The following ZBBX variants were observed in gnomAD, a reference collection of about 807,000 sequenced individuals.
The protein encoded by ZBBX is zinc finger B-box domain containing.
ZBBX carries 101 observed loss-of-function variants against 108.5 expected under a neutral mutation model. The observed-to-expected ratio is 0.93, with a 90% CI of 0.79 to 1.10. The LOEUF is 1.10. Ranked by LOEUF, ZBBX falls within the 50% of genes least tolerant of loss-of-function variation. The probability of loss-of-function intolerance (pLI) is 0.00; values close to 1 mark genes in which losing one functional copy is unlikely to be tolerated. For missense variants in ZBBX, 1,009 were observed against 941.4 expected (o/e 1.07, Z -0.94); for synonymous variants, 356 against 323.4 (o/e 1.10, Z -1.08).
chr3:167,402,560 G>A (rs1163240288), intron 1 of ZBBX, among the ~76,000 whole-genome samples: 4 of 151,942 alleles, frequency 2.6e-5, no homozygotes, highest in Non-Finnish European at 1.5e-5. Flanking sequence ...CAAATTACGA[G>A]ACCTACGTAG....
chr3:167,197,358 G>A, the ZBBX span, among the ~76,000 whole-genome samples: 4 of 152,080 alleles, frequency 2.6e-5, no homozygotes, highest in South Asian at 8.3e-4. Flanking sequence ...CTAACACGGT[G>A]AAACCCCATC....
intron 12 of ZBBX, 67 bp downstream of exon 12, chr3:167,322,050 T>A (rs1736532861): frequency 1.0e-6 from 1 of 957,142 alleles, no homozygotes; most frequent in Admixed American, 3.2e-5. Flanking sequence ...TAGGAAGGCA[T>A]GTCATACAAG....
the ZBBX span, among the ~76,000 whole-genome samples, chr3:167,231,235 TGTCA>T: frequency 6.6e-6 from 1 of 151,772 alleles, no homozygotes; most frequent in Non-Finnish European, 1.5e-5. Flanking sequence ...CTAGAGAGAT[TGTCA>T]GTCTCTAAGA....
At chr3:167,391,786 A>C (rs1279789359) in intron 1 of ZBBX, among the ~76,000 whole-genome samples, 2 of 151,894 alleles carry the variant, frequency 1.3e-5, no homozygotes, top group Non-Finnish European at 2.9e-5. Flanking sequence ...TTTACATTTC[A>C]ATGACTTTGA....
intron 6 of ZBBX, among the ~76,000 whole-genome samples, chr3:167,363,732 A>G (rs1195575347): frequency 6.6e-6 from 1 of 152,122 alleles, no homozygotes; most frequent in Non-Finnish European, 1.5e-5. Context: ...AAACCCTTGA[A>G]AGGTCACCAA....
At chr3:167,365,728 T>C (rs1406639977) in intron 6 of ZBBX, among the ~76,000 whole-genome samples, 158 bp downstream of exon 6, 2 of 151,734 alleles carry the variant, frequency 1.3e-5, no homozygotes, top group Admixed American at 6.6e-5. Flanking sequence ...ATAATGAAAG[T>C]TGCATATTAC....
At chr3:167,264,398 T>C (rs1725123858) in intron 20 of ZBBX, among the ~76,000 whole-genome samples, 2 of 152,290 alleles carry the variant, frequency 1.3e-5, no homozygotes, top group Admixed American at 1.3e-4. Flanking sequence ...GATGTTCCCA[T>C]GAGACTTGCA....
chr3:167,215,190 C>G, the ZBBX span, among the ~76,000 whole-genome samples: 4 of 151,824 alleles, frequency 2.6e-5, no homozygotes, highest in East Asian at 7.7e-4. Flanking sequence ...ATCAACAAAT[C>G]CAGGAACTGC....
the ZBBX span, among the ~76,000 whole-genome samples, chr3:167,232,461 T>C: frequency 2.6e-5 from 4 of 151,926 alleles, no homozygotes; most frequent in African/African-American, 9.6e-5. Flanking sequence ...CAACCATCTG[T>C]TGGATTTAGT....
chr3:167,406,074 T>C (rs565730347), intron 1 of ZBBX, among the ~76,000 whole-genome samples: 24 of 150,752 alleles, frequency 1.6e-4, no homozygotes, highest in Admixed American at 3.3e-4. Flanking sequence ...AAAAAAAAAA[T>C]TAATAAATTC....
chr3:167,335,408 A>G (rs771079864), intron 9 of ZBBX, among the ~76,000 whole-genome samples: 2 of 152,128 alleles, frequency 1.3e-5, no homozygotes. Context: ...AAACTACCAG[A>G]GTCTGCCTAG....
chr3:167,372,336 C>A (rs1460446329), intron 4 of ZBBX, among the ~76,000 whole-genome samples: 2 of 152,178 alleles, frequency 1.3e-5, no homozygotes, highest in Non-Finnish European at 2.9e-5. Context: ...CTCTCCCATA[C>A]CCCTGCAAGG....
intron 17 of ZBBX, among the ~76,000 whole-genome samples, chr3:167,302,408 A>C (rs1241531119): frequency 6.6e-6 from 1 of 152,172 alleles, no homozygotes; most frequent in Admixed American, 6.5e-5. Context: ...TATCATGTAC[A>C]TAATGGTCCC....
At chr3:167,270,779 C>A (rs151152096) in intron 20 of ZBBX, among the ~76,000 whole-genome samples, 6 of 152,332 alleles carry the variant, frequency 3.9e-5, no homozygotes, top group African/African-American at 1.2e-4. Context: ...ACTCCAGAAT[C>A]CTGAAATATG....
At chr3:167,336,803 T>C (rs760229328) in intron 9 of ZBBX, among the ~76,000 whole-genome samples, 9 of 152,226 alleles carry the variant, frequency 5.9e-5, no homozygotes, top group Non-Finnish European at 8.8e-5. Context: ...ATGCAAGGAT[T>C]AAGGGGTTTA....
At chr3:167,270,218 C>T (rs189490284) in intron 20 of ZBBX, among the ~76,000 whole-genome samples, 2 of 152,136 alleles carry the variant, frequency 1.3e-5, no homozygotes, top group Non-Finnish European at 1.5e-5. Context: ...TAGGCCATTT[C>T]GTAAGTGCAG....
At chr3:167,318,356 T>C (rs1348764773) in intron 12 of ZBBX, among the ~76,000 whole-genome samples, 2 of 151,996 alleles carry the variant, frequency 1.3e-5, no homozygotes, top group Non-Finnish European at 2.9e-5. Flanking sequence ...CCAGGCTCCA[T>C]TCTAACTAAT....
chr3:167,275,123 A>AT (rs1727277926), intron 20 of ZBBX, among the ~76,000 whole-genome samples: 2 of 152,192 alleles, frequency 1.3e-5, no homozygotes, highest in Non-Finnish European at 2.9e-5. Context: ...GGCTAAATAT[A>AT]TACTTAAAAT....
chr3:167,239,183 C>A (rs1720356783), downstream of ZBBX, among the ~76,000 whole-genome samples: 1 of 152,048 alleles, frequency 6.6e-6, no homozygotes, highest in Admixed American at 6.6e-5. Flanking sequence ...TTCCCTCTAC[C>A]TTGGAGGACC....
Sources: allele counts gnomAD v4.1 joint callset (sites outside exome capture counted in the v4.1 genomes callset), GRCh38; gene constraint gnomAD v4.1.1; transcripts MANE v1.5; gene names NCBI Gene and HGNC (gene_info 2026-07-23, HGNC 2026-07-21).